The following LIMD1 variants were observed in gnomAD, a reference collection of about 807,000 sequenced individuals.
The protein encoded by LIMD1 is LIM domain containing 1, also known as LIM domain-containing protein 1.
In LIMD1, 23 loss-of-function variants were observed where a neutral mutation model predicts 58.4. That is an observed-to-expected ratio of 0.39 (90% CI 0.28 to 0.56). LIMD1 has a LOEUF of 0.56. LIMD1 is among the 20% of genes least tolerant of loss of function. The pLI is 0.57. For synonymous variants in LIMD1, 334 were observed against 345.5 expected, an observed-to-expected ratio of 0.97 and a Z score of 0.37; for missense variants, 838 against 855.5, an observed-to-expected ratio of 0.98 and a Z score of 0.25.
intron 1 of LIMD1, among the ~76,000 whole-genome samples, chr3:45,602,557 A>AC (rs3836517): frequency 0.18 from 27,950 of 151,374 alleles, 2,761 homozygotes; most frequent in Non-Finnish European, 0.23. Flanking sequence ...GCAGTGACAG[A>AC]CCCCCCTTAG....
intron 2 of LIMD1, among the ~76,000 whole-genome samples, chr3:45,652,152 C>T (rs1395356671): frequency 6.6e-6 from 1 of 152,006 alleles, no homozygotes; most frequent in African/African-American, 2.4e-5. Flanking sequence ...ATCTCAAACT[C>T]CTGTCCTCAA....
rs1001668079 is a variant in LIMD1 at position 45,680,226 on chromosome 3, T to C, written c.*3167T>C. 6.6e-6 allele frequency: 1 copy of C among 152,202 alleles called. No individual in the cohort carries two copies. The highest frequency in any genetic ancestry group is 2.4e-5 in the African/African-American group (1 of 41,440). 9.4% of individuals were successfully genotyped at this position (152,202 alleles called of 1,614,324 possible). ...GCTGCTGGGACGCTTGCAAAGATCATGTGTGAGAATTGAGCACAAGACCAC... is the reference window on the plus strand; with the variant it reads ...GCTGCTGGGACGCTTGCAAAGATCACGTGTGAGAATTGAGCACAAGACCAC... On this transcript the variant is annotated 3_prime_UTR_variant, in exon 8 of 8. Transcript: ENST00000273317.
At chr3:45,602,196 C>T (rs1192057480) in intron 1 of LIMD1, among the ~76,000 whole-genome samples, 1 of 152,146 alleles carries the variant, frequency 6.6e-6, no homozygotes, top group East Asian at 1.9e-4. Flanking sequence ...GATCCACCCT[C>T]CTTGGCCTCC....
Position 45,639,264 on chromosome 3 carries a change from C to T in LIMD1, c.1510+3013C>T, listed in dbSNP as rs1701817986. Among the ~76,000 whole-genome samples the T allele has an allele frequency of 4.6e-5, 7 of 152,312 alleles. 1 individual carries two copies. In the South Asian group the frequency reaches 1.4e-3, roughly 32 times the overall value. Reference sequence around the variant, plus strand: ...TGACTCCTACAACAGTTTCTCAATACTTGCTCTATTTTTCAGGAAAAAGAA... The same window carrying T: ...TGACTCCTACAACAGTTTCTCAATATTTGCTCTATTTTTCAGGAAAAAGAA... On this transcript the variant is annotated intron_variant, in intron 2 of 7. Transcript: ENST00000273317.
rs1365052261 is a variant in LIMD1, at chr3:45,673,444, C to T, written c.1773-10C>T. On this transcript the variant is annotated splice_polypyrimidine_tract_variant and intron_variant, in intron 5 of 7. Coordinates refer to ENST00000273317, the MANE Select transcript of LIMD1 (RefSeq NM_014240.3). The stretch of plus-strand genomic sequence containing the variant: ...AGCAACATTTATTGCTGCTTTGTTT[C>T]TCCCCACAGGGTGCTGGCCCCCAAG... 1 of 1,613,148 alleles carries T rather than the reference C, an allele frequency of 6.2e-7. No individual in the cohort carries two copies. Among genetic ancestry groups the T allele is most frequent in the Non-Finnish European group, 8.5e-7 (1 of 1,179,202 alleles).
chr3:45,602,663 A>G (rs986889624), intron 1 of LIMD1, among the ~76,000 whole-genome samples: 1 of 152,054 alleles, frequency 6.6e-6, no homozygotes, highest in Admixed American at 6.6e-5. Context: ...CTTTCCTGGC[A>G]ATGCACAGGG....
At chr3:45,616,923 C>T (rs935282815) in intron 1 of LIMD1, among the ~76,000 whole-genome samples, 3 of 151,552 alleles carry the variant, frequency 2.0e-5, no homozygotes, top group Admixed American at 6.6e-5. Context: ...TTAGTAGAGA[C>T]GGGGTTTCAC....
chr3:45,643,955 C>T (rs1346812706), intron 2 of LIMD1, among the ~76,000 whole-genome samples: 1 of 151,508 alleles, frequency 6.6e-6, no homozygotes, highest in Non-Finnish European at 1.5e-5. Flanking sequence ...GAGAAAAAAG[C>T]AAAACTAAGA....
At chr3:45,615,460 G>A (rs1454332305) in intron 1 of LIMD1, among the ~76,000 whole-genome samples, 4 of 152,154 alleles carry the variant, frequency 2.6e-5, no homozygotes, top group Non-Finnish European at 4.4e-5. Flanking sequence ...ACTGAACAGT[G>A]TAAATTGTTC....
intron 1 of LIMD1, among the ~76,000 whole-genome samples, chr3:45,607,888 G>A (rs1158369669): frequency 6.6e-6 from 1 of 152,232 alleles, no homozygotes; most frequent in Non-Finnish European, 1.5e-5. Flanking sequence ...TCAGCAGGGT[G>A]GAACCAAGTT....
chr3:45,632,289 T>C (rs1414762271), intron 1 of LIMD1, among the ~76,000 whole-genome samples: 1 of 152,204 alleles, frequency 6.6e-6, no homozygotes, highest in African/African-American at 2.4e-5. Flanking sequence ...ATAACCTAAC[T>C]CATATCTTGA....
intron 1 of LIMD1, among the ~76,000 whole-genome samples, chr3:45,616,356 A>G (rs1324190031): frequency 6.6e-6 from 1 of 151,770 alleles, no homozygotes; most frequent in Admixed American, 6.6e-5. Context: ...TGAGATTGTT[A>G]GAAGGTTTTT....
chr3:45,657,699 C>A (rs1169924871), intron 2 of LIMD1, among the ~76,000 whole-genome samples: 1 of 152,090 alleles, frequency 6.6e-6, no homozygotes, highest in Non-Finnish European at 1.5e-5. Context: ...ATCTGGGTTC[C>A]CATCCTGCCC....
At chr3:45,650,742 G>A (rs1383535855) in intron 2 of LIMD1, among the ~76,000 whole-genome samples, 1 of 152,036 alleles carries the variant, frequency 6.6e-6, no homozygotes, top group East Asian at 1.9e-4. Flanking sequence ...ATTATTGATG[G>A]ATATTTGGGT....
intron 2 of LIMD1, among the ~76,000 whole-genome samples, chr3:45,657,892 G>A (rs1697361003): frequency 6.6e-6 from 1 of 152,156 alleles, no homozygotes; most frequent in South Asian, 2.1e-4. Flanking sequence ...GACATGTGAT[G>A]TGTTTTATTT....
At chr3:45,638,091 T>C (rs1701807063) in intron 2 of LIMD1, among the ~76,000 whole-genome samples, 1 of 152,202 alleles carries the variant, frequency 6.6e-6, no homozygotes, top group South Asian at 2.1e-4. Flanking sequence ...ATTGTTACCC[T>C]GTGGAGATTG....
At position 45,594,924 on chromosome 3, in the gene LIMD1, C is replaced by G. The variant is rs1332277599; in HGVS notation, c.45C>G (p.Ile15Met). The G allele has an allele frequency of 6.2e-7, 1 of 1,612,572 alleles. No individual in the cohort carries two copies. Among genetic ancestry groups the G allele is most frequent in the Non-Finnish European group, 8.5e-7 (1 of 1,179,768 alleles). The change falls in exon 1 of 8, where the codon ATC becomes ATG. Residue 15 changes from isoleucine (I) to methionine (M), a missense_variant. Transcript: ENST00000273317. Reference sequence around the variant, plus strand: ...TGGGCCTGGAGGCCAGTAAATTCATCGAGGACCTGAACATGTATGAGGCCT... The same window carrying G: ...TGGGCCTGGAGGCCAGTAAATTCATGGAGGACCTGAACATGTATGAGGCCT... Reference protein sequence around the residue: ...DDLGLEASKFIEDLNMYEASK... With the variant: ...DDLGLEASKFMEDLNMYEASK...
chr3:45,664,559 A>G (rs958805957), intron 2 of LIMD1, among the ~76,000 whole-genome samples: 1 of 152,204 alleles, frequency 6.6e-6, no homozygotes, highest in Non-Finnish European at 1.5e-5. Flanking sequence ...AACGACCACC[A>G]CAGCAAAGAA....
intron 1 of LIMD1, among the ~76,000 whole-genome samples, chr3:45,615,390 C>T (rs1328588455): frequency 1.3e-5 from 2 of 152,094 alleles, no homozygotes; most frequent in African/African-American, 2.4e-5. Flanking sequence ...GGGAGAAGTG[C>T]ACTTTTGTTA....
Sources: allele counts gnomAD v4.1 joint callset (sites outside exome capture counted in the v4.1 genomes callset), GRCh38; gene constraint gnomAD v4.1.1; transcripts MANE v1.5; gene names NCBI Gene and HGNC (gene_info 2026-07-23, HGNC 2026-07-21).